Variants in GALNTL6 observed in about 807,000 individuals in gnomAD.
GALNTL6 encodes polypeptide N-acetylgalactosaminyltransferase-like 6.
In GALNTL6, 46 loss-of-function variants were observed where a neutral mutation model predicts 73.7. The ratio of observed to expected loss-of-function variants is 0.62; its 90% confidence interval spans 0.49 to 0.80. The LOEUF (loss-of-function observed/expected upper bound fraction) is 0.80, where lower values mean the gene tolerates loss of function less well. Ranked by LOEUF, GALNTL6 falls within the 30% of genes least tolerant of loss-of-function variation. The pLI, the probability that GALNTL6 is intolerant of heterozygous loss-of-function variation, is 0.00. For missense variants in GALNTL6, 604 were observed against 755.0 expected, an observed-to-expected ratio of 0.80 and a Z score of 2.34; for synonymous variants, 259 against 263.7, an observed-to-expected ratio of 0.98 and a Z score of 0.17.
intron 2 of GALNTL6, among the ~76,000 whole-genome samples, chr4:172,156,523 A>C (rs1252186861): frequency 8.1e-6 from 1 of 122,804 alleles, no homozygotes; most frequent in Non-Finnish European, 1.7e-5. Context: ...TTTGACTTTA[A>C]ATATACATAT....
chr4:172,363,578 C>T (rs934233939), intron 5 of GALNTL6, among the ~76,000 whole-genome samples: 1 of 152,122 alleles, frequency 6.6e-6, no homozygotes, highest in Admixed American at 6.5e-5. Context: ...TTCATTACTA[C>T]TATAGTACCC....
chr4:172,727,743 A>T (rs1029164126), intron 5 of GALNTL6, among the ~76,000 whole-genome samples: 1 of 152,156 alleles, frequency 6.6e-6, no homozygotes, highest in South Asian at 2.1e-4. Context: ...AAGAACAGAA[A>T]TAATTTAAAT....
At chr4:172,743,628 A>T (rs1446357787) in intron 5 of GALNTL6, among the ~76,000 whole-genome samples, 1 of 152,034 alleles carries the variant, frequency 6.6e-6, no homozygotes, top group Non-Finnish European at 1.5e-5. Flanking sequence ...AATTATCATG[A>T]TGGCATCAGT....
chr4:172,022,700 A>G (rs1741442978), intron 2 of GALNTL6, among the ~76,000 whole-genome samples: 2 of 147,966 alleles, frequency 1.4e-5, no homozygotes, highest in African/African-American at 2.5e-5. Flanking sequence ...CTGTTTGGGG[A>G]AAAAAAAAAC....
At chr4:172,149,118 G>C (rs966677930) in intron 2 of GALNTL6, among the ~76,000 whole-genome samples, 16 of 152,158 alleles carry the variant, frequency 1.1e-4, no homozygotes, top group African/African-American at 3.9e-4. Flanking sequence ...TTTTTAAACT[G>C]CATCAGATTC....
chr4:172,004,204 G>C (rs1579050105), intron 2 of GALNTL6, among the ~76,000 whole-genome samples: 2 of 152,066 alleles, frequency 1.3e-5, no homozygotes, highest in Non-Finnish European at 2.9e-5. Context: ...GAGTTATTAA[G>C]ATTAATAGTT....
At chr4:172,361,711 T>G (rs1346783831) in intron 5 of GALNTL6, among the ~76,000 whole-genome samples, 1 of 152,186 alleles carries the variant, frequency 6.6e-6, no homozygotes, top group Non-Finnish European at 1.5e-5. Context: ...GCACATTGGT[T>G]GAAGAAGAGG....
intron 2 of GALNTL6, among the ~76,000 whole-genome samples, chr4:172,133,314 T>C (rs1243282649): frequency 6.6e-6 from 1 of 152,180 alleles, no homozygotes; most frequent in Admixed American, 6.5e-5. Context: ...TCTGCGTACA[T>C]TAGTATAAAC....
At chr4:172,722,764 T>C (rs1320180120) in intron 5 of GALNTL6, among the ~76,000 whole-genome samples, 4 of 152,216 alleles carry the variant, frequency 2.6e-5, no homozygotes, top group African/African-American at 4.8e-5. Context: ...AAATATATTC[T>C]TTTGAATTTG....
chr4:172,770,211 A>G (rs1195054743), intron 5 of GALNTL6, among the ~76,000 whole-genome samples: 5 of 152,002 alleles, frequency 3.3e-5, no homozygotes, highest in Admixed American at 3.3e-4. Flanking sequence ...GGTTGCATTG[A>G]GCCAAGATGG....
chr4:171,984,852 C>G (rs1397851366), intron 2 of GALNTL6, among the ~76,000 whole-genome samples: 1 of 152,094 alleles, frequency 6.6e-6, no homozygotes, highest in Non-Finnish European at 1.5e-5. Flanking sequence ...GTCAATCACT[C>G]TAAGATAACC....
chr4:172,337,582 A>G (rs1394014913), intron 4 of GALNTL6, among the ~76,000 whole-genome samples: 2 of 151,792 alleles, frequency 1.3e-5, no homozygotes, highest in Admixed American at 6.6e-5. Flanking sequence ...TGCTGGCTAT[A>G]GGCCTCAATC....
At chr4:172,268,308 C>T in intron 3 of GALNTL6, among the ~76,000 whole-genome samples, 1 of 152,152 alleles carries the variant, frequency 6.6e-6, no homozygotes, top group Non-Finnish European at 1.5e-5. Flanking sequence ...CTCTTGGGAT[C>T]ACCACATGTG....
intron 5 of GALNTL6, among the ~76,000 whole-genome samples, chr4:172,645,705 A>C (rs1464522101): frequency 6.6e-6 from 1 of 151,982 alleles, no homozygotes; most frequent in Non-Finnish European, 1.5e-5. Flanking sequence ...TCTTAATAAG[A>C]AAATGAAGGT....
intron 7 of GALNTL6, among the ~76,000 whole-genome samples, chr4:172,866,992 A>G (rs1744697005): frequency 6.6e-6 from 1 of 152,310 alleles, no homozygotes; most frequent in East Asian, 1.9e-4. Context: ...TGGAATAGCA[A>G]ATAGACAGGT....
chr4:172,146,331 G>T (rs1733927589), intron 2 of GALNTL6, among the ~76,000 whole-genome samples: 1 of 152,078 alleles, frequency 6.6e-6, no homozygotes, highest in Non-Finnish European at 1.5e-5. Context: ...TTAAATACGT[G>T]TCAGTTTTGG....
At chr4:171,857,286 A>G (rs141411549) in intron 2 of GALNTL6, among the ~76,000 whole-genome samples, 3 of 152,278 alleles carry the variant, frequency 2.0e-5, no homozygotes, top group African/African-American at 7.2e-5. Flanking sequence ...AGTATATTGA[A>G]CCAAATTCCT....
At chr4:172,177,785 A>ATGAGTATATATATACACACACATATATG (rs1735072459) in intron 2 of GALNTL6, among the ~76,000 whole-genome samples, 1 of 63,998 alleles carries the variant, frequency 1.6e-5, no homozygotes, top group African/African-American at 4.1e-5. Context: ...ATATATACAC[A>ATGAGTATATATATACACACACATATATG]TGTGTATATA....
chr4:172,709,364 G>A (rs556192253), intron 5 of GALNTL6, among the ~76,000 whole-genome samples: 1 of 152,178 alleles, frequency 6.6e-6, no homozygotes, highest in South Asian at 2.1e-4. Flanking sequence ...ATGCATTTTA[G>A]CCAGTTGAAA....
Sources: allele counts gnomAD v4.1 joint callset (sites outside exome capture counted in the v4.1 genomes callset), GRCh38; gene constraint gnomAD v4.1.1; transcripts MANE v1.5; gene names NCBI Gene and HGNC (gene_info 2026-07-23, HGNC 2026-07-21).